NEBL: variants seen among roughly 807,000 people sequenced by gnomAD.
NEBL encodes the protein LIM and SH3 protein 2.
Under a neutral mutation model 140.2 loss-of-function variants are expected in NEBL, and 122 were observed. The observed-to-expected ratio is 0.87, with a 90% confidence interval of 0.75 to 1.01. The LOEUF (loss-of-function observed/expected upper bound fraction) is 1.01, where lower values mean the gene tolerates loss of function less well. Among genes scored for constraint, NEBL ranks in the 50% least tolerant of loss-of-function variants. The pLI, the probability that NEBL is intolerant of heterozygous loss-of-function variation, is 0.00. For missense variants in NEBL, 1,365 were observed against 1,231.3 expected (o/e 1.11, Z -1.62); for synonymous variants, 436 against 398.9 (o/e 1.09, Z -1.11).
At chr10:21,159,307 A>T (rs1276116353) in intron 2 of NEBL, among the ~76,000 whole-genome samples, 1 of 152,138 alleles carries the variant, frequency 6.6e-6, no homozygotes, top group Non-Finnish European at 1.5e-5. Flanking sequence ...GGGGTATGGC[A>T]CACATCGTTT....
intron 3 of NEBL, among the ~76,000 whole-genome samples, chr10:21,187,831 A>G (rs922388826): frequency 1.2e-4 from 19 of 152,018 alleles, no homozygotes; most frequent in Admixed American, 8.5e-4. Context: ...GTTAAGAAAA[A>G]CAGAATGCTC....
At chr10:21,215,894 C>T (rs1841985459) in intron 3 of NEBL, among the ~76,000 whole-genome samples, 1 of 152,180 alleles carries the variant, frequency 6.6e-6, no homozygotes. Flanking sequence ...TGGTCTTAAA[C>T]TCCTGGGCTC....
intron 3 of NEBL, among the ~76,000 whole-genome samples, chr10:20,988,917 T>A (rs1278433928): frequency 6.6e-6 from 1 of 152,208 alleles, no homozygotes; most frequent in Non-Finnish European, 1.5e-5. Flanking sequence ...CTTGACTGCA[T>A]CCCAGTCCAT....
chr10:20,853,917 A>T (rs1256142698), intron 9 of NEBL, among the ~76,000 whole-genome samples: 1 of 152,202 alleles, frequency 6.6e-6, no homozygotes, highest in East Asian at 1.9e-4. Context: ...AAGAAACGAC[A>T]AATGCTTGAA....
chr10:20,909,612 T>C (rs548437416), intron 4 of NEBL, among the ~76,000 whole-genome samples: 62 of 152,302 alleles, frequency 4.1e-4, no homozygotes, highest in African/African-American at 1.3e-3. Flanking sequence ...ATTTAGAATA[T>C]AGTAAATGCT....
intron 3 of NEBL, among the ~76,000 whole-genome samples, chr10:20,971,689 A>C (rs979205908): frequency 1.4e-5 from 2 of 146,538 alleles, no homozygotes; most frequent in Non-Finnish European, 3.0e-5. Flanking sequence ...TCTCGGCTCA[A>C]TGCAAGCTCT....
chr10:20,843,269 G>A (rs1403451520), intron 12 of NEBL, among the ~76,000 whole-genome samples: 1 of 152,048 alleles, frequency 6.6e-6, no homozygotes, highest in Non-Finnish European at 1.5e-5. Context: ...CCAGCACCTT[G>A]ATCTTGGACT....
chr10:20,959,811 T>A (rs941001610), intron 4 of NEBL, among the ~76,000 whole-genome samples: 2 of 152,056 alleles, frequency 1.3e-5, no homozygotes, highest in African/African-American at 2.4e-5. Flanking sequence ...TTGTCTAAGT[T>A]ACATGCTTTT....
chr10:20,850,401 T>G lies in NEBL; in HGVS notation c.1110A>C (p.Gln370His), dbSNP rs1267119039. The G allele has an allele frequency of 2.5e-6, 4 of 1,595,786 alleles. No individual in the cohort carries two copies. In the African/African-American group the frequency reaches 5.4e-5, roughly 21 times the overall value. The change falls in exon 11 of 28, where the codon CAA becomes CAC. Residue 370 changes from glutamine to histidine, a missense_variant. Around this residue, in one of 2 missense-constraint regions of NEBL, gnomAD observed 1,323 missense variants for 1,154.8 expected, o/e 1.15. Coordinates refer to ENST00000377122, the MANE Select transcript of NEBL (RefSeq NM_006393.3). ...AACAAACTAATTGACCTACTTCACTTTGCATCTTTTGAGCCTCCTTTGAAG... is the reference window on the plus strand; with the variant it reads ...AACAAACTAATTGACCTACTTCACTGTGCATCTTTTGAGCCTCCTTTGAAG... ...YQASKEAQKM[Q>H]SEKVYKEDFE...
chr10:20,966,657 G>C (rs1836330102), intron 3 of NEBL, among the ~76,000 whole-genome samples: 1 of 152,204 alleles, frequency 6.6e-6, no homozygotes, highest in Non-Finnish European at 1.5e-5. Context: ...TTCTGGACCA[G>C]CTTAAGGAAA....
At chr10:21,233,609 C>G (rs1263627648) in intron 3 of NEBL, among the ~76,000 whole-genome samples, 1 of 142,924 alleles carries the variant, frequency 7.0e-6, no homozygotes, top group Non-Finnish European at 1.5e-5. Context: ...TCTATATATA[C>G]ATATATAGAT....
rs147042977 is a variant in NEBL at position 20,934,660 on chromosome 10, C to A, written c.357+27012G>T. On this transcript the variant is annotated intron_variant, in intron 4 of 6. Transcript: ENST00000417816. ...GGTGCTAGACAGAAGGGGCCTGGAT[C>A]CCTGAATGACTGCATGGAACAGAGC... Among the ~76,000 whole-genome samples the A allele has an allele frequency of 2.4e-4, 37 of 152,188 alleles. 1 individual carries two copies. In the East Asian group the frequency reaches 7.2e-3, roughly 29 times the overall value.
At chr10:21,048,587 G>A (rs1035148393) in intron 2 of NEBL, among the ~76,000 whole-genome samples, 20 of 151,966 alleles carry the variant, frequency 1.3e-4, no homozygotes, top group Non-Finnish European at 5.9e-5. Context: ...GAATCAATAA[G>A]AGGGAGAGAG....
intron 2 of NEBL, chr10:21,125,811 T>C: frequency 2.5e-6 from 4 of 1,580,284 alleles, no homozygotes; most frequent in Non-Finnish European, 3.5e-6. Context: ...TAAGACAGTG[T>C]CCTTCAGACA....
intron 3 of NEBL, among the ~76,000 whole-genome samples, chr10:21,018,853 C>A (rs763871635): frequency 3.9e-5 from 6 of 152,160 alleles, no homozygotes; most frequent in Admixed American, 6.5e-5. Flanking sequence ...GATGGTGAAA[C>A]CCTGTCCCTA....
intron 9 of NEBL, 137 bp from the exon 10 acceptor site, chr10:20,852,786 G>T: frequency 2.6e-6 from 2 of 774,124 alleles, no homozygotes; most frequent in Non-Finnish European, 2.2e-6. Context: ...GCAGTTGGCT[G>T]GCAGGTAGGA....
intron 3 of NEBL, among the ~76,000 whole-genome samples, chr10:21,198,016 G>A (rs931642030): frequency 6.6e-6 from 1 of 151,794 alleles, no homozygotes; most frequent in South Asian, 2.1e-4. Context: ...CTGCAATCAT[G>A]AAACTCTGTC....
At chr10:21,050,153 A>C (rs1357205377) in intron 2 of NEBL, among the ~76,000 whole-genome samples, 1 of 152,190 alleles carries the variant, frequency 6.6e-6, no homozygotes, top group Non-Finnish European at 1.5e-5. Context: ...TTTATAATCT[A>C]TCTTTGGTTT....
At chr10:21,056,663 T>C (rs1454810861) in intron 2 of NEBL, among the ~76,000 whole-genome samples, 1 of 152,242 alleles carries the variant, frequency 6.6e-6, no homozygotes, top group Admixed American at 6.5e-5. Flanking sequence ...ACTCGATATA[T>C]TCTACATTAG....
Sources: allele counts gnomAD v4.1 joint callset (sites outside exome capture counted in the v4.1 genomes callset), GRCh38; gene constraint gnomAD v4.1.1; regional missense constraint gnomAD v4.1.1; transcripts MANE v1.5; gene names NCBI Gene and HGNC (gene_info 2026-07-23, HGNC 2026-07-21).